AHCYL1: variants seen among roughly 807,000 people sequenced by gnomAD.
AHCYL1 encodes S-adenosylhomocysteine hydrolase-like protein 1.
AHCYL1 carries 20 observed loss-of-function variants against 79.3 expected under a neutral mutation model. That is an observed-to-expected ratio of 0.25 (90% CI 0.18 to 0.37). The LOEUF (loss-of-function observed/expected upper bound fraction) is 0.37, where lower values mean the gene tolerates loss of function less well. AHCYL1 is among the 10% of genes least tolerant of loss of function. The pLI is 1.00. For missense variants in AHCYL1, 330 were observed against 673.6 expected, an observed-to-expected ratio of 0.49 and a Z score of 5.65; for synonymous variants, 223 against 242.2, an observed-to-expected ratio of 0.92 and a Z score of 0.74.
chr1:110,020,625 A>G (rs1468898200), intron 15 of AHCYL1, 106 bp from the exon 16 acceptor site: 17 of 1,391,892 alleles, frequency 1.2e-5, no homozygotes, highest in South Asian at 3.0e-5. Flanking sequence ...GAGTTATTCC[A>G]TCCCTTGTCT....
chr1:110,015,564 C>T, intron 7 of AHCYL1, 33 bp downstream of exon 7: 1 of 1,581,146 alleles, frequency 6.3e-7, no homozygotes, highest in Non-Finnish European at 8.7e-7. Flanking sequence ...CCCCTTGTGT[C>T]CTTGCCTCAG....
chr1:110,017,649 T>A lies in AHCYL1; in HGVS notation c.1052+66T>A. The A allele has an allele frequency of 1.9e-5, 29 of 1,505,302 alleles. No homozygotes were observed. The South Asian group carries it at 3.1e-4, about 16-fold the overall frequency. 93.2% of individuals were successfully genotyped at this position (1,505,302 alleles called of 1,614,324 possible). On this transcript the variant is annotated intron_variant, in intron 10 of 16. Transcript: ENST00000369799. ...GCTTTATGTTATTGAGAGTTCATAA[T>A]TGAGTATATTAATCATTTTTGCAGA...
At chr1:109,985,194 G>A (rs1649400400) in intron 1 of AHCYL1, 22 bp downstream of exon 1, 1 of 1,599,698 alleles carries the variant, frequency 6.3e-7, no homozygotes, top group Admixed American at 1.7e-5. Flanking sequence ...CTGGGTGGCG[G>A]CGGGGGCTCG....
intron 1 of AHCYL1, among the ~76,000 whole-genome samples, chr1:109,989,983 C>T (rs12090731): frequency 0.051 from 7,746 of 152,276 alleles, 661 homozygotes; most frequent in African/African-American, 0.18. Flanking sequence ...CTATCAGTGC[C>T]TATTGTGTAG....
In AHCYL1 at chr1:109,985,069, C is replaced by G. The variant is rs558550427; in HGVS notation, c.17C>G (p.Ala6Gly). The change falls in exon 1 of 17, where the codon GCG (alanine) becomes GGG (glycine). Residue 6 changes from alanine to glycine, a missense_variant. Ala to Gly is a moderately conservative substitution (Grantham distance 60). This residue lies in a region of AHCYL1 where 66 missense variants were observed against 68.0 expected (regional missense o/e 0.97). Coordinates refer to ENST00000369799, the MANE Select transcript of AHCYL1 (RefSeq NM_006621.7). ...GGCCGGGGAATGTCGATGCCTGACG[C>G]GATGCCGCTGCCCGGGGTCGGGGAG... MSMPDAMPLPGVGEEL... is the reference protein window; with the variant it reads MSMPDGMPLPGVGEEL... The G allele has an allele frequency of 6.2e-7, 1 of 1,602,878 alleles. No homozygotes were observed. Among genetic ancestry groups the G allele is most frequent in the Admixed American group, 1.7e-5 (1 of 59,094 alleles).
intron 1 of AHCYL1, among the ~76,000 whole-genome samples, chr1:109,991,243 A>G (rs2101693308): frequency 6.6e-6 from 1 of 152,346 alleles, no homozygotes; most frequent in Middle Eastern, 3.4e-3. Context: ...TAAAAAGTTT[A>G]ATGAACTATT....
At chr1:109,995,412 A>G (rs1242025505) in intron 1 of AHCYL1, among the ~76,000 whole-genome samples, 1 of 152,226 alleles carries the variant, frequency 6.6e-6, no homozygotes, top group Non-Finnish European at 1.5e-5. Context: ...TAATAAAAAT[A>G]CAATCTCGGT....
chr1:109,988,481 T>C (rs74117308), intron 1 of AHCYL1, among the ~76,000 whole-genome samples: 5 of 152,206 alleles, frequency 3.3e-5, no homozygotes, highest in Non-Finnish European at 7.3e-5. Context: ...TTATCCCTCT[T>C]TTGCTGCTAC....
chr1:110,013,806 T>C (rs1272492838), intron 5 of AHCYL1, among the ~76,000 whole-genome samples: 1 of 148,920 alleles, frequency 6.7e-6, no homozygotes, highest in Non-Finnish European at 1.5e-5. Flanking sequence ...TTCTTTCTTT[T>C]TTTTTTTTTC....
At chr1:110,013,265 G>T (rs1285120994) in intron 5 of AHCYL1, among the ~76,000 whole-genome samples, 4 of 152,222 alleles carry the variant, frequency 2.6e-5, no homozygotes, top group Admixed American at 6.5e-5. Flanking sequence ...GAACGAGGAA[G>T]AATGTTAAAC....
chr1:110,011,342 G>C lies in AHCYL1; in HGVS notation c.361G>C (p.Glu121Gln). ...KQAEFGRREIEIAEQDMSALI... is the reference protein window; with the variant it reads ...KQAEFGRREIQIAEQDMSALI... ...GGCAGAATTTGGACGCCGGGAGATTGAGATTGCAGAGCAAGGTAAAGAAAG... is the reference window on the plus strand; with the variant it reads ...GGCAGAATTTGGACGCCGGGAGATTCAGATTGCAGAGCAAGGTAAAGAAAG... The change falls in exon 3 of 17, where the codon GAG (glutamate) becomes CAG (glutamine). Residue 121 changes from glutamate (E) to glutamine (Q), a missense_variant. This residue lies in a region of AHCYL1 where 97 missense variants were observed against 176.3 expected (regional missense o/e 0.55). Transcript: ENST00000369799. 6.2e-7 allele frequency: 1 copy of C among 1,614,070 alleles called. No homozygotes were observed. The highest frequency in any genetic ancestry group is 8.5e-7 in the Non-Finnish European group (1 of 1,179,982).
In AHCYL1 at chr1:110,021,784, T is replaced by C. The variant is rs974578065; in HGVS notation, c.*104T>C. The C allele has an allele frequency of 7.8e-7, 1 of 1,276,156 alleles. No homozygotes were observed. The highest frequency in any genetic ancestry group is 1.1e-6 in the Non-Finnish European group (1 of 908,352). The allele number at this position is 1,276,156 out of a possible 1,614,324, so 79.1% of individuals were successfully genotyped here. On this transcript the variant is annotated 3_prime_UTR_variant, in exon 17 of 17. Transcript: ENST00000369799. ...TCTTACTCCTTTCCTCTTGATTTTT[T>C]TCCTATAATTTCATTCTTGTTTTTT... is the stretch of plus-strand genomic sequence containing the variant.
intron 1 of AHCYL1, among the ~76,000 whole-genome samples, chr1:109,986,278 C>T (rs1205104993): frequency 2.0e-5 from 3 of 151,544 alleles, no homozygotes; most frequent in Non-Finnish European, 4.4e-5. Flanking sequence ...TAGTTAAGTC[C>T]TTGAGGCTTC....
intron 9 of AHCYL1, 75 bp downstream of exon 9, chr1:110,016,805 G>A: frequency 6.4e-7 from 1 of 1,566,482 alleles, no homozygotes; most frequent in Non-Finnish European, 8.8e-7. Flanking sequence ...GGCTTGTGCT[G>A]TCAATCTAGA....
At chr1:110,002,728 C>T (rs1268504440) in intron 1 of AHCYL1, among the ~76,000 whole-genome samples, 3 of 152,202 alleles carry the variant, frequency 2.0e-5, no homozygotes, top group Non-Finnish European at 4.4e-5. Flanking sequence ...AAGAAGAGAT[C>T]TGATGTTCTC....
At chr1:110,021,546 G>T (rs1208575310) in intron 16 of AHCYL1, 128 bp from the exon 17 acceptor site, 1 of 774,756 alleles carries the variant, frequency 1.3e-6, no homozygotes. Context: ...TGGTGCCCTG[G>T]GGAATGACTG....
At chr1:109,994,524 G>A (rs958958650) in intron 1 of AHCYL1, among the ~76,000 whole-genome samples, 2 of 152,094 alleles carry the variant, frequency 1.3e-5, no homozygotes, top group African/African-American at 4.8e-5. Flanking sequence ...CCTGACCTCA[G>A]GTGATCCACC....
intron 1 of AHCYL1, among the ~76,000 whole-genome samples, chr1:109,998,864 G>C (rs764685093): frequency 6.6e-6 from 1 of 152,154 alleles, no homozygotes; most frequent in African/African-American, 2.4e-5. Flanking sequence ...TAATTGACAA[G>C]TGAAAACTGT....
chr1:110,014,880 C>T, intron 6 of AHCYL1, 23 bp downstream of exon 6: 1 of 1,585,316 alleles, frequency 6.3e-7, no homozygotes, highest in Non-Finnish European at 8.7e-7. Flanking sequence ...ATACATCCTA[C>T]ACTTTGACAA....
Sources: allele counts gnomAD v4.1 joint callset (sites outside exome capture counted in the v4.1 genomes callset), GRCh38; gene constraint gnomAD v4.1.1; regional missense constraint gnomAD v4.1.1; transcripts MANE v1.5; gene names NCBI Gene and HGNC (gene_info 2026-07-23, HGNC 2026-07-21).